The following CAMK4 variants were observed in gnomAD, a reference collection of about 807,000 sequenced individuals.
The protein encoded by CAMK4 is calcium/calmodulin dependent protein kinase IV, also known as calcium/calmodulin-dependent protein kinase type IV.
CAMK4 carries 22 observed loss-of-function variants against 44.9 expected under a neutral mutation model. That is an observed-to-expected ratio of 0.49 (90% confidence interval 0.35 to 0.70). CAMK4 has a LOEUF of 0.70. Ranked by LOEUF, CAMK4 falls within the 30% of genes least tolerant of loss-of-function variation. The probability of loss-of-function intolerance (pLI) is 0.01; values close to 1 mark genes in which losing one functional copy is unlikely to be tolerated. For synonymous variants in CAMK4, 218 were observed against 215.4 expected (o/e 1.01, Z -0.11); for missense variants, 498 against 586.8 (o/e 0.85, Z 1.56).
chr5:111,479,193 G>A (rs1175231072), intron 9 of CAMK4, among the ~76,000 whole-genome samples: 1 of 152,136 alleles, frequency 6.6e-6, no homozygotes, highest in East Asian at 1.9e-4. Context: ...TATACTTCAA[G>A]TAAAACAATA....
intron 4 of CAMK4, among the ~76,000 whole-genome samples, chr5:111,381,431 G>C (rs563346654): frequency 3.9e-5 from 6 of 152,172 alleles, no homozygotes; most frequent in Non-Finnish European, 8.8e-5. Context: ...CAAATCACTA[G>C]TGTAAGTCCA....
rs375054492 is a variant in CAMK4 at position 111,482,547 on chromosome 5, G to A, written c.829-238G>A. ...GTTTCTTGACTTCTGTTGGAAAGCC[G>A]TCTGCCACTTTGGGGGTCTCAGGTG... On this transcript the variant is annotated intron_variant, in intron 9 of 10. Coordinates refer to ENST00000282356, the MANE Select transcript of CAMK4 (RefSeq NM_001744.6). The surrounding 1 kb of genome is among the most constrained non-coding windows in gnomAD (Gnocchi z 4.9). 12 of 321,856 alleles carry A rather than the reference G, an allele frequency of 3.7e-5. No homozygotes were observed. The highest frequency in any genetic ancestry group is 3.4e-4 in the East Asian group (7 of 20,502). 19.9% of individuals were successfully genotyped at this position (321,856 alleles called of 1,614,324 possible). A position where few individuals can be genotyped will look rare whatever the true frequency, so the allele number is the denominator to read the frequency against.
At chr5:111,461,737 T>G (rs1305069257) in intron 7 of CAMK4, among the ~76,000 whole-genome samples, 1 of 145,416 alleles carries the variant, frequency 6.9e-6, no homozygotes, top group Non-Finnish European at 1.5e-5. Context: ...TTAGAGAGAC[T>G]CTAGATGCTG....
chr5:111,463,100 G>A (rs994964387), intron 7 of CAMK4, among the ~76,000 whole-genome samples: 1 of 152,040 alleles, frequency 6.6e-6, no homozygotes, highest in Non-Finnish European at 1.5e-5. Context: ...GTGGGAGCTT[G>A]GTATCATTTA....
At chr5:111,325,643 T>C (rs1044422531) in intron 1 of CAMK4, among the ~76,000 whole-genome samples, 2 of 152,178 alleles carry the variant, frequency 1.3e-5, no homozygotes, top group Admixed American at 1.3e-4. Context: ...TGATGAGCTT[T>C]TTTCCCTATG....
chr5:111,439,965 T>G (rs1024326118), intron 5 of CAMK4, among the ~76,000 whole-genome samples: 3 of 152,084 alleles, frequency 2.0e-5, no homozygotes, highest in Non-Finnish European at 4.4e-5. Flanking sequence ...AAAATAAGAT[T>G]ATAGTGTGTT....
intron 7 of CAMK4, among the ~76,000 whole-genome samples, chr5:111,459,690 T>A: frequency 4.4e-5 from 1 of 22,722 alleles, no homozygotes; most frequent in East Asian, 8.8e-4. Context: ...GACAGTCTTT[T>A]TTTTTTTTTT....
At chr5:111,450,471 C>T (rs987115590) in intron 7 of CAMK4, among the ~76,000 whole-genome samples, 1 of 151,248 alleles carries the variant, frequency 6.6e-6, no homozygotes, top group African/African-American at 2.4e-5. Context: ...TACACCCACA[C>T]TGGGGGCTCA....
At chr5:111,452,347 T>C (rs1288844710) in intron 7 of CAMK4, among the ~76,000 whole-genome samples, 1 of 152,214 alleles carries the variant, frequency 6.6e-6, no homozygotes, top group Non-Finnish European at 1.5e-5. Flanking sequence ...CAGATTTGAC[T>C]TGGTAGGTAA....
At chr5:111,472,257 C>T (rs1755091122) in intron 7 of CAMK4, among the ~76,000 whole-genome samples, 1 of 152,144 alleles carries the variant, frequency 6.6e-6, no homozygotes, top group Non-Finnish European at 1.5e-5. Flanking sequence ...GACAGAGAAT[C>T]CTGTTTACTT....
intron 7 of CAMK4, among the ~76,000 whole-genome samples, chr5:111,465,462 A>G (rs545538564): frequency 4.6e-5 from 7 of 152,302 alleles, no homozygotes; most frequent in Admixed American, 1.3e-4. Context: ...CATTAGCAAG[A>G]TAGACCAAGA....
At chr5:111,333,273 T>G (rs1443975237) in intron 1 of CAMK4, among the ~76,000 whole-genome samples, 1 of 151,594 alleles carries the variant, frequency 6.6e-6, no homozygotes, top group African/African-American at 2.4e-5. Context: ...ATTAAATGGT[T>G]GATCAAAAAT....
At chr5:111,342,791 T>C (rs1366357849) in intron 1 of CAMK4, among the ~76,000 whole-genome samples, 1 of 151,584 alleles carries the variant, frequency 6.6e-6, no homozygotes, top group East Asian at 1.9e-4. Flanking sequence ...TGCCATAGGT[T>C]ACATAATATG....
intron 1 of CAMK4, among the ~76,000 whole-genome samples, chr5:111,291,419 T>C (rs1373818796): frequency 2.0e-5 from 3 of 152,240 alleles, no homozygotes; most frequent in African/African-American, 7.2e-5. Context: ...TTCTTTAAAG[T>C]TAACCGAAGC....
chr5:111,283,136 G>A (rs149280501), intron 1 of CAMK4: 11 of 152,146 alleles, frequency 7.2e-5, no homozygotes, highest in Admixed American at 2.0e-4. Context: ...GTCGAGGAAC[G>A]ATTGTAAACC....
At chr5:111,291,172 T>A (rs1201930559) in intron 1 of CAMK4, among the ~76,000 whole-genome samples, 1 of 152,212 alleles carries the variant, frequency 6.6e-6, no homozygotes, top group African/African-American at 2.4e-5. Flanking sequence ...TAATAACAGT[T>A]TGAAAAATCT....
intron 5 of CAMK4, among the ~76,000 whole-genome samples, chr5:111,419,848 C>G (rs1752959032): frequency 6.6e-6 from 1 of 152,114 alleles, no homozygotes; most frequent in Admixed American, 6.5e-5. Context: ...TTACTGTAGC[C>G]TTGTAGTATA....
At chr5:111,373,302 A>C (rs1015940872) in intron 2 of CAMK4, among the ~76,000 whole-genome samples, 1 of 152,094 alleles carries the variant, frequency 6.6e-6, no homozygotes, top group African/African-American at 2.4e-5. Flanking sequence ...ACTCCTTAAG[A>C]TCTCCTTGTA....
intron 8 of CAMK4, among the ~76,000 whole-genome samples, chr5:111,475,094 C>T (rs568425110): frequency 6.6e-6 from 1 of 152,070 alleles, no homozygotes; most frequent in South Asian, 2.1e-4. Flanking sequence ...ACCCAGGAGG[C>T]GGAGATTGCA....
Sources: gnomAD v4.1 joint callset for allele counts (sites outside exome capture counted in the v4.1 genomes callset) on GRCh38, gnomAD v4.1.1 for gene constraint, Gnocchi (gnomAD v3.1) non-coding constraint, MANE v1.5 for transcripts, NCBI Gene and HGNC (gene_info 2026-07-23, HGNC 2026-07-21) for gene names.